The following PTPRD variants were observed in gnomAD, a reference collection of about 807,000 sequenced individuals.
PTPRD encodes the protein receptor-type tyrosine-protein phosphatase delta.
In PTPRD, 34 loss-of-function variants were observed where a neutral mutation model predicts 214.5. The observed-to-expected ratio is 0.16, with a 90% confidence interval of 0.12 to 0.21. The LOEUF is 0.21. Ranked by LOEUF, PTPRD falls within the 10% of genes least tolerant of loss-of-function variation. PTPRD has a pLI of 1.00. For synonymous variants in PTPRD, 1,128 were observed against 845.7 expected (o/e 1.33, Z -5.79); for missense variants, 2,545 against 2,398.7 (o/e 1.06, Z -1.27).
At chr9:8,947,844 C>G (rs531685829) in intron 11 of PTPRD, among the ~76,000 whole-genome samples, 12 of 152,144 alleles carry the variant, frequency 7.9e-5, no homozygotes, top group African/African-American at 2.9e-4. Context: ...ATTTATGAAA[C>G]AAAATGTGCC....
At position 9,184,752 on chromosome 9, in the gene PTPRD, C is replaced by T. The variant is rs144883544; in HGVS notation, c.-202-1389G>A. 8.4e-3 allele frequency among the ~76,000 whole-genome samples: 1,275 copies of T among 152,070 alleles called. 8 individuals are homozygous for T. The highest frequency in any genetic ancestry group is 0.014 in the Middle Eastern group (4 of 294). ...TGTCTTGTTTGAGGTTTTAGCTGAG[C>T]GCTTGACACAGAAAATAGCATATAC... On this transcript the variant is annotated intron_variant, in intron 9 of 45. Transcript: ENST00000381196.
intron 7 of PTPRD, among the ~76,000 whole-genome samples, chr9:9,582,671 TTACTC>T (rs1222816256): frequency 1.3e-5 from 2 of 152,124 alleles, no homozygotes; most frequent in South Asian, 4.1e-4. Flanking sequence ...GTTCCTTACA[TTACTC>T]TATTAGTTTA....
intron 3 of PTPRD, among the ~76,000 whole-genome samples, chr9:10,246,273 C>T (rs1288847606): frequency 1.3e-5 from 2 of 152,068 alleles, no homozygotes; most frequent in African/African-American, 4.8e-5. Flanking sequence ...GATGGAGTTT[C>T]GCTCTTGTTG....
At chr9:10,480,970 C>T (rs1315037631) in intron 2 of PTPRD, among the ~76,000 whole-genome samples, 1 of 151,932 alleles carries the variant, frequency 6.6e-6, no homozygotes, top group East Asian at 1.9e-4. Context: ...CATTCATTTA[C>T]TCCAGTGACT....
chr9:8,454,024 G>C (rs890749307), intron 33 of PTPRD, among the ~76,000 whole-genome samples: 2 of 152,102 alleles, frequency 1.3e-5, no homozygotes, highest in East Asian at 1.9e-4. Context: ...GGTTAGTTTG[G>C]ATTAATCATT....
rs115008083 is a variant in PTPRD at position 9,296,145 on chromosome 9, T to A, written c.-203+101304A>T. 3.4e-3 allele frequency among the ~76,000 whole-genome samples: 523 copies of A among 151,874 alleles called. 4 individuals are homozygous for A. The highest frequency in any genetic ancestry group is 0.012 in the African/African-American group (510 of 41,500). On this transcript the variant is annotated intron_variant, in intron 9 of 45. Coordinates refer to ENST00000381196, the MANE Select transcript of PTPRD (RefSeq NM_002839.4). Reference sequence around the variant, plus strand: ...TGGGGTTTAGAGTTATGAAACAGAATAAATTCTATGATTAACAAAAGGGCT... The same window carrying A: ...TGGGGTTTAGAGTTATGAAACAGAAAAAATTCTATGATTAACAAAAGGGCT...
At chr9:8,431,678 T>C (rs2095063883) in intron 35 of PTPRD, among the ~76,000 whole-genome samples, 1 of 152,186 alleles carries the variant, frequency 6.6e-6, no homozygotes, top group African/African-American at 2.4e-5. Context: ...CAAATTGAAG[T>C]CTTTGGAGCA....
intron 3 of PTPRD, among the ~76,000 whole-genome samples, chr9:10,037,581 A>G (rs753181012): frequency 2.7e-3 from 252 of 94,564 alleles, no homozygotes; most frequent in Non-Finnish European, 3.8e-3. Flanking sequence ...ATAGCAGTGG[A>G]AAAAAAAAAA....
At chr9:9,486,914 C>A (rs953987908) in intron 8 of PTPRD, among the ~76,000 whole-genome samples, 1 of 152,128 alleles carries the variant, frequency 6.6e-6, no homozygotes, top group Non-Finnish European at 1.5e-5. Flanking sequence ...AGACACTTCA[C>A]CCGCTCTTAT....
chr9:10,332,597 G>A (rs780120267), intron 3 of PTPRD, among the ~76,000 whole-genome samples: 1 of 151,726 alleles, frequency 6.6e-6, no homozygotes, highest in Non-Finnish European at 1.5e-5. Flanking sequence ...CATATAACGT[G>A]TACTACCTAC....
chr9:10,369,281 A>AT (rs2097568703), intron 2 of PTPRD, among the ~76,000 whole-genome samples: 1 of 152,048 alleles, frequency 6.6e-6, no homozygotes, highest in African/African-American at 2.4e-5. Context: ...ATTATCCTTT[A>AT]TTTTCTATTC....
intron 4 of PTPRD, among the ~76,000 whole-genome samples, chr9:10,029,788 G>C (rs756721321): frequency 1.4e-4 from 22 of 152,138 alleles, no homozygotes; most frequent in African/African-American, 5.1e-4. Context: ...TTAAGACTTC[G>C]AGGGTCTGTT....
chr9:8,666,273 T>C (rs550857203), intron 12 of PTPRD, among the ~76,000 whole-genome samples: 9 of 152,332 alleles, frequency 5.9e-5, no homozygotes, highest in African/African-American at 1.9e-4. Flanking sequence ...CTGATTATGA[T>C]TCATTTCAAA....
At chr9:9,644,841 A>G (rs142390915) in intron 7 of PTPRD, among the ~76,000 whole-genome samples, 182 of 152,284 alleles carry the variant, frequency 1.2e-3, no homozygotes, top group Non-Finnish European at 1.4e-3. Context: ...CGTCAAGAGG[A>G]GAAGATTCTT....
intron 4 of PTPRD, among the ~76,000 whole-genome samples, chr9:9,943,328 A>G (rs888520314): frequency 2.0e-5 from 3 of 152,132 alleles, no homozygotes; most frequent in Non-Finnish European, 2.9e-5. Flanking sequence ...TCCCCTGTAC[A>G]GTAGTCAGAT....
intron 3 of PTPRD, among the ~76,000 whole-genome samples, chr9:10,238,279 A>G (rs573822151): frequency 1.3e-5 from 2 of 151,986 alleles, no homozygotes; most frequent in South Asian, 2.1e-4. Flanking sequence ...GTAACCTGAA[A>G]CCAATCTAAT....
At chr9:9,437,484 G>T (rs10977746) in intron 8 of PTPRD, among the ~76,000 whole-genome samples, 1 of 151,892 alleles carries the variant, frequency 6.6e-6, no homozygotes, top group African/African-American at 2.4e-5. Flanking sequence ...AGACTGTTGC[G>T]ATTTTTAATA....
At chr9:8,343,289 T>C (rs537497239) in intron 39 of PTPRD, among the ~76,000 whole-genome samples, 2 of 152,042 alleles carry the variant, frequency 1.3e-5, no homozygotes, top group Non-Finnish European at 2.9e-5. Flanking sequence ...TTAAAATAGG[T>C]TACTTTTTTA....
chr9:9,901,745 T>C (rs1406302875), intron 5 of PTPRD, among the ~76,000 whole-genome samples: 1 of 152,120 alleles, frequency 6.6e-6, no homozygotes, highest in East Asian at 1.9e-4. Flanking sequence ...GACTCACAGT[T>C]CTGGAGGCTG....
Sources: gnomAD v4.1 joint callset for allele counts (sites outside exome capture counted in the v4.1 genomes callset) on GRCh38, gnomAD v4.1.1 for gene constraint, MANE v1.5 for transcripts, NCBI Gene and HGNC (gene_info 2026-07-23, HGNC 2026-07-21) for gene names.